The following MTMR8 variants were observed in gnomAD, a reference collection of about 807,000 sequenced individuals.
MTMR8 encodes phosphatidylinositol-3,5-bisphosphate 3-phosphatase MTMR8.
In MTMR8, 65 loss-of-function variants were observed where a neutral mutation model predicts 39.3. The observed-to-expected ratio is 1.65, with a 90% confidence interval of 1.35 to 2.03. MTMR8 has a LOEUF of 2.03. MTMR8 is among the 30% of genes most tolerant of loss of function. The pLI is 0.00. For missense variants in MTMR8, 777 were observed against 538.9 expected, an observed-to-expected ratio of 1.44 and a Z score of -4.37; for synonymous variants, 245 against 185.2, an observed-to-expected ratio of 1.32 and a Z score of -2.62.
intron 12 of MTMR8, among the ~76,000 whole-genome samples, chrX:64,307,729 A>C (rs768648604): frequency 8.9e-6 from 1 of 111,991 alleles, no homozygotes; most frequent in Admixed American, 9.5e-5. Flanking sequence ...ACATCTCCAA[A>C]AAAAATCTGC....
intron 2 of MTMR8, among the ~76,000 whole-genome samples, chrX:64,356,759 C>T (rs940750687): frequency 1.1e-4 from 12 of 110,269 alleles, no homozygotes; most frequent in African/African-American, 4.0e-4. Flanking sequence ...TTATCATAAA[C>T]AAAGTAGTCC....
At chrX:64,308,146 TATA>T (rs906186478) in intron 12 of MTMR8, among the ~76,000 whole-genome samples, 2 of 109,408 alleles carry the variant, frequency 1.8e-5, no homozygotes, top group Non-Finnish European at 1.9e-5. Flanking sequence ...AAACTTAAAG[TATA>T]ATAATAATAA....
At chrX:64,294,123 T>G (rs1162312727) in intron 12 of MTMR8, among the ~76,000 whole-genome samples, 1 of 112,099 alleles carries the variant, frequency 8.9e-6, no homozygotes, top group Non-Finnish European at 1.9e-5. Flanking sequence ...GTATAGCCTA[T>G]GTGTAAAGCC....
chrX:64,364,311 C>G (rs1410954112), intron 1 of MTMR8, among the ~76,000 whole-genome samples: 1 of 112,378 alleles, frequency 8.9e-6, no homozygotes, highest in African/African-American at 3.2e-5. Flanking sequence ...CACTGTGTAG[C>G]CTAACTGGGA....
chrX:64,310,201 G>A (rs772586200), intron 12 of MTMR8, among the ~76,000 whole-genome samples: 82 of 111,674 alleles, frequency 7.3e-4, no homozygotes, highest in African/African-American at 2.4e-3. Context: ...CTATCATTTC[G>A]ACAATGTTCA....
chrX:64,377,411 C>T (rs1042113437), intron 1 of MTMR8, among the ~76,000 whole-genome samples: 1 of 112,611 alleles, frequency 8.9e-6, no homozygotes, highest in Non-Finnish European at 1.9e-5. Flanking sequence ...AGGCAAAATG[C>T]CCAAGGTCTT....
chrX:64,346,781 T>C (rs756277144), intron 6 of MTMR8, among the ~76,000 whole-genome samples: 2 of 111,017 alleles, frequency 1.8e-5, no homozygotes, highest in Non-Finnish European at 3.8e-5. Context: ...ACCAACCCTT[T>C]TGTTTCTTCA....
intron 1 of MTMR8, among the ~76,000 whole-genome samples, chrX:64,367,375 AC>A (rs773314391): frequency 1.9e-4 from 21 of 112,141 alleles, no homozygotes; most frequent in Non-Finnish European, 3.6e-4. Context: ...ATACTGGCAA[AC>A]CGTATTCAGC....
At chrX:64,366,625 A>G (rs1203344296) in intron 1 of MTMR8, among the ~76,000 whole-genome samples, 1 of 112,332 alleles carries the variant, frequency 8.9e-6, no homozygotes, top group Non-Finnish European at 1.9e-5. Flanking sequence ...AGGGAAATGT[A>G]CAGCACTAAA....
At chrX:64,384,677 C>T (rs1393539811) in intron 1 of MTMR8, among the ~76,000 whole-genome samples, 2 of 112,609 alleles carry the variant, frequency 1.8e-5, no homozygotes, top group African/African-American at 6.4e-5. Flanking sequence ...TGTGCCAAGG[C>T]TGGAGCCAGA....
chrX:64,300,490 T>A (rs1171615690), intron 12 of MTMR8, among the ~76,000 whole-genome samples: 12 of 110,246 alleles, frequency 1.1e-4, no homozygotes, highest in African/African-American at 4.0e-4. Flanking sequence ...GAGATGGGTT[T>A]CCTGAATACA....
intron 9 of MTMR8, among the ~76,000 whole-genome samples, 158 bp downstream of exon 9, chrX:64,337,110 T>G (rs944999467): frequency 8.9e-6 from 1 of 112,327 alleles, no homozygotes; most frequent in Non-Finnish European, 1.9e-5. Context: ...ATACAGATAG[T>G]ACACACCTAA....
chrX:64,351,957 G>A (rs1923497688), intron 4 of MTMR8, among the ~76,000 whole-genome samples: 1 of 110,936 alleles, frequency 9.0e-6, no homozygotes, highest in Non-Finnish European at 1.9e-5. Context: ...CAGCCTCACA[G>A]ACACACCCAG....
At chrX:64,269,735 AT>A (rs1158578132) in intron 13 of MTMR8, among the ~76,000 whole-genome samples, 1 of 109,988 alleles carries the variant, frequency 9.1e-6, no homozygotes, top group Non-Finnish European at 1.9e-5. Context: ...TAAACTTTTC[AT>A]TTTTTACCTT....
chrX:64,389,121 A>T (rs888966239), intron 1 of MTMR8, among the ~76,000 whole-genome samples: 15 of 111,941 alleles, frequency 1.3e-4, no homozygotes, highest in Non-Finnish European at 1.9e-4. Context: ...CAAGGGTTAA[A>T]TTAGCATATA....
intron 12 of MTMR8, among the ~76,000 whole-genome samples, chrX:64,319,110 T>A (rs937026150): frequency 8.9e-6 from 1 of 112,346 alleles, no homozygotes; most frequent in African/African-American, 3.2e-5. Context: ...AAAGAATAAT[T>A]GGTGGCAATG....
intron 12 of MTMR8, among the ~76,000 whole-genome samples, chrX:64,293,737 A>C (rs1921476736): frequency 9.0e-6 from 1 of 110,931 alleles, no homozygotes; most frequent in Non-Finnish European, 1.9e-5. Flanking sequence ...CCTAAGAATC[A>C]CTCATGCTCT....
intron 12 of MTMR8, among the ~76,000 whole-genome samples, chrX:64,315,669 AT>A (rs1432667571): frequency 9.1e-6 from 1 of 110,081 alleles, no homozygotes; most frequent in African/African-American, 3.3e-5. Context: ...GACAGCATAT[AT>A]TTTTTATCCA....
At chrX:64,308,969 GTTGT>G (rs1023019047) in intron 12 of MTMR8, among the ~76,000 whole-genome samples, 3 of 111,830 alleles carry the variant, frequency 2.7e-5, no homozygotes, top group South Asian at 3.7e-4. Flanking sequence ...ATTTGTACTT[GTTGT>G]TTGTTTGTTT....
Sources: gnomAD v4.1 joint callset for allele counts (sites outside exome capture counted in the v4.1 genomes callset) on GRCh38, gnomAD v4.1.1 for gene constraint, MANE v1.5 for transcripts, NCBI Gene and HGNC (gene_info 2026-07-23, HGNC 2026-07-21) for gene names.